Variants in CFAP299 observed in about 807,000 individuals in gnomAD.
CFAP299 encodes the protein cilia and flagella associated protein 299.
A neutral mutation model predicts 27.0 loss-of-function variants in CFAP299; 21 were observed. The observed-to-expected ratio is 0.78, with a 90% CI of 0.55 to 1.12. The LOEUF is 1.12. Ranked by LOEUF, CFAP299 falls within the 50% of genes most tolerant of loss-of-function variation. The pLI, the probability that CFAP299 is intolerant of heterozygous loss-of-function variation, is 0.00. For synonymous variants in CFAP299, 104 were observed against 98.1 expected, an observed-to-expected ratio of 1.06 and a Z score of -0.36; for missense variants, 310 against 276.6, an observed-to-expected ratio of 1.12 and a Z score of -0.86.
chr4:80,690,664 G>A (rs1312488751), intron 3 of CFAP299, among the ~76,000 whole-genome samples: 5 of 152,102 alleles, frequency 3.3e-5, no homozygotes, highest in Non-Finnish European at 7.4e-5. Flanking sequence ...ACATTCAAAA[G>A]CTAACAGAAG....
chr4:80,628,597 A>G (rs1274549480), intron 3 of CFAP299, among the ~76,000 whole-genome samples: 1 of 152,188 alleles, frequency 6.6e-6, no homozygotes, highest in Non-Finnish European at 1.5e-5. Context: ...TATGGGGTTA[A>G]TTTCCAAAAT....
intron 2 of CFAP299, among the ~76,000 whole-genome samples, chr4:80,570,265 A>G (rs983489101): frequency 6.6e-6 from 1 of 152,172 alleles, no homozygotes; most frequent in East Asian, 1.9e-4. Context: ...GTCTATAACA[A>G]TGAATAATTT....
chr4:80,741,646 T>G (rs1161306741), intron 3 of CFAP299, among the ~76,000 whole-genome samples: 2 of 152,092 alleles, frequency 1.3e-5, no homozygotes, highest in Non-Finnish European at 2.9e-5. Flanking sequence ...TATACTGCCT[T>G]GGGTTGGGGG....
chr4:80,710,899 T>C (rs1722123952), intron 3 of CFAP299, among the ~76,000 whole-genome samples: 1 of 151,782 alleles, frequency 6.6e-6, no homozygotes. Flanking sequence ...CCTTAAAGAG[T>C]AGTGTAAGGA....
intron 2 of CFAP299, among the ~76,000 whole-genome samples, chr4:80,496,721 G>A (rs1489993018): frequency 1.3e-5 from 2 of 152,096 alleles, no homozygotes; most frequent in East Asian, 3.9e-4. Context: ...TTCCTATAAA[G>A]AAATACCAGA....
At chr4:80,702,153 C>A (rs1426569432) in intron 3 of CFAP299, among the ~76,000 whole-genome samples, 2 of 151,698 alleles carry the variant, frequency 1.3e-5, no homozygotes, top group East Asian at 1.9e-4. Flanking sequence ...TTTCAAAAAT[C>A]TCAGCTTTTT....
intron 4 of CFAP299, among the ~76,000 whole-genome samples, chr4:80,901,742 C>T (rs879258929): frequency 6.6e-6 from 1 of 151,952 alleles, no homozygotes; most frequent in Non-Finnish European, 1.5e-5. Context: ...GGTTCAATCA[C>T]TTCATTTCTT....
At chr4:80,395,276 G>A (rs886271097) in intron 2 of CFAP299, among the ~76,000 whole-genome samples, 3 of 152,022 alleles carry the variant, frequency 2.0e-5, no homozygotes, top group African/African-American at 4.8e-5. Flanking sequence ...TATGGAAAAT[G>A]TACTAAATTT....
chr4:80,520,639 C>A (rs930643681), intron 2 of CFAP299, among the ~76,000 whole-genome samples: 10 of 152,112 alleles, frequency 6.6e-5, no homozygotes, highest in Admixed American at 5.9e-4. Flanking sequence ...TGAGATGAAA[C>A]CTTGATTGTT....
intron 4 of CFAP299, among the ~76,000 whole-genome samples, chr4:80,901,990 A>G (rs987018420): frequency 2.0e-5 from 3 of 151,842 alleles, no homozygotes; most frequent in African/African-American, 7.3e-5. Context: ...AAAATTATAT[A>G]CTTTTGTGTG....
At chr4:80,893,262 T>A (rs1734436472) in intron 4 of CFAP299, among the ~76,000 whole-genome samples, 2 of 151,558 alleles carry the variant, frequency 1.3e-5, no homozygotes, top group Admixed American at 6.6e-5. Context: ...CATCCCATGT[T>A]TATGGATTGA....
At chr4:80,645,323 A>G (rs571470687) in intron 3 of CFAP299, among the ~76,000 whole-genome samples, 1 of 152,024 alleles carries the variant, frequency 6.6e-6, no homozygotes, top group Non-Finnish European at 1.5e-5. Flanking sequence ...TTTTAGAGGT[A>G]TACAGCACCA....
intron 3 of CFAP299, among the ~76,000 whole-genome samples, chr4:80,860,256 C>T (rs1337541286): frequency 6.6e-6 from 1 of 152,202 alleles, no homozygotes; most frequent in Non-Finnish European, 1.5e-5. Flanking sequence ...TGGCTTTCAG[C>T]TCCACCAGCT....
At chr4:80,417,947 C>T (rs1727097557) in intron 2 of CFAP299, among the ~76,000 whole-genome samples, 1 of 152,158 alleles carries the variant, frequency 6.6e-6, no homozygotes, top group Admixed American at 6.5e-5. Context: ...ACACAGCCTT[C>T]AGCAGACACT....
chr4:80,743,691 C>T (rs1008072223), intron 3 of CFAP299, among the ~76,000 whole-genome samples: 4 of 152,106 alleles, frequency 2.6e-5, no homozygotes, highest in Non-Finnish European at 5.9e-5. Context: ...AGAAAATGCA[C>T]TTATTAGGAC....
the CFAP299 span, among the ~76,000 whole-genome samples, chr4:80,323,795 AT>A: frequency 6.6e-6 from 1 of 152,108 alleles, no homozygotes; most frequent in Non-Finnish European, 1.5e-5. Context: ...AATTACTTAT[AT>A]TTTTAGTCTG....
intron 2 of CFAP299, among the ~76,000 whole-genome samples, chr4:80,404,860 T>C (rs1025333067): frequency 3.3e-5 from 5 of 152,166 alleles, no homozygotes; most frequent in Admixed American, 2.6e-4. Context: ...ACCATCATAC[T>C]TTTTTCATAG....
chr4:80,435,012 C>T (rs1036215030), intron 2 of CFAP299, among the ~76,000 whole-genome samples: 3 of 152,076 alleles, frequency 2.0e-5, no homozygotes, highest in Non-Finnish European at 4.4e-5. Flanking sequence ...AGCTAGTATG[C>T]AAGTGGAGGT....
intron 2 of CFAP299, among the ~76,000 whole-genome samples, chr4:80,381,926 A>G (rs1322106815): frequency 6.6e-6 from 1 of 152,176 alleles, no homozygotes; most frequent in Admixed American, 6.5e-5. Flanking sequence ...TCAGCTATCT[A>G]TAGTCTGCAT....
Sources: allele counts gnomAD v4.1 joint callset (sites outside exome capture counted in the v4.1 genomes callset), GRCh38; gene constraint gnomAD v4.1.1; transcripts MANE v1.5; gene names NCBI Gene and HGNC (gene_info 2026-07-23, HGNC 2026-07-21).